Variants in ANKRD29 observed in about 807,000 individuals in gnomAD.
The protein encoded by ANKRD29 is ankyrin repeat domain 29.
Under a neutral mutation model 38.0 loss-of-function variants are expected in ANKRD29, and 32 were observed. That is an observed-to-expected ratio of 0.84 (90% CI 0.64 to 1.13). The LOEUF (loss-of-function observed/expected upper bound fraction) is 1.13, where lower values mean the gene tolerates loss of function less well. ANKRD29 is among the 50% of genes most tolerant of loss of function. The pLI, the probability that ANKRD29 is intolerant of heterozygous loss-of-function variation, is 0.00. For synonymous variants in ANKRD29, 135 were observed against 152.4 expected, an observed-to-expected ratio of 0.89 and a Z score of 0.84; for missense variants, 357 against 377.9, an observed-to-expected ratio of 0.94 and a Z score of 0.46.
At position 23,634,077 on chromosome 18, in the gene ANKRD29, C is replaced by T. The variant is rs1340333557; in HGVS notation, c.403G>A (p.Gly135Arg). ...TAAAGTTGGTCATGGATGTTTGCTCCGTGCTTCAGCAAGGTCTCCACCACC... is the reference window on the plus strand; with the variant it reads ...TAAAGTTGGTCATGGATGTTTGCTCTGTGCTTCAGCAAGGTCTCCACCACC... The part of the protein sequence containing the change: ...MQVVETLLKH[G>R]ANIHDQLYDG... Residue 135 changes from glycine to arginine, a missense_variant, in exon 5 of 10, where the codon GGA becomes AGA. Physicochemically the swap from Gly to Arg is moderately radical, Grantham distance 125. Coordinates refer to ENST00000592179, the MANE Select transcript of ANKRD29 (RefSeq NM_173505.4). The T allele has an allele frequency of 2.5e-6, 4 of 1,614,126 alleles. No individual in the cohort carries two copies. The highest frequency in any genetic ancestry group is 3.4e-6 in the Non-Finnish European group (4 of 1,180,030).
intron 3 of ANKRD29, among the ~76,000 whole-genome samples, chr18:23,643,286 G>C (rs952049693): frequency 2.0e-5 from 3 of 152,180 alleles, no homozygotes; most frequent in African/African-American, 7.2e-5. Flanking sequence ...GGTTCCCACA[G>C]AAATAAGTGG....
At chr18:23,627,897 C>T (rs572891720) in intron 6 of ANKRD29, among the ~76,000 whole-genome samples, 5 of 152,206 alleles carry the variant, frequency 3.3e-5, no homozygotes, top group Non-Finnish European at 5.9e-5. Flanking sequence ...CTCCAGTCCT[C>T]GAAAGTCAAC....
intron 7 of ANKRD29, chr18:23,619,325 A>C (rs141316464): frequency 5.4e-6 from 3 of 560,708 alleles, no homozygotes; most frequent in Non-Finnish European, 9.2e-6. Flanking sequence ...CTAAGATTCC[A>C]CCCTCTCTAG....
chr18:23,661,708 T>C (rs928063763), intron 1 of ANKRD29, among the ~76,000 whole-genome samples: 2 of 152,090 alleles, frequency 1.3e-5, no homozygotes, highest in Non-Finnish European at 2.9e-5. Context: ...AAACTCCGTC[T>C]CAGGAAAAAA....
At chr18:23,638,541 C>T (rs1025468241) in intron 4 of ANKRD29, among the ~76,000 whole-genome samples, 2 of 152,140 alleles carry the variant, frequency 1.3e-5, no homozygotes, top group Non-Finnish European at 2.9e-5. Context: ...AAAGCCACTG[C>T]TACTGTATCC....
chr18:23,613,458 C>G (rs1461756758), intron 8 of ANKRD29, among the ~76,000 whole-genome samples: 2 of 152,026 alleles, frequency 1.3e-5, no homozygotes, highest in Non-Finnish European at 2.9e-5. Context: ...AGGTGTGAGC[C>G]ACCATGCCTG....
At chr18:23,634,218 CA>C (rs2059971938) in intron 4 of ANKRD29, 69 bp from the exon 5 acceptor site, 1 of 1,152,958 alleles carries the variant, frequency 8.7e-7, no homozygotes, top group Non-Finnish European at 1.3e-6. Flanking sequence ...AGATGTTCCT[CA>C]CATACATAGA....
chr18:23,652,662 G>A (rs561525726), intron 1 of ANKRD29, among the ~76,000 whole-genome samples: 30 of 152,170 alleles, frequency 2.0e-4, no homozygotes, highest in Admixed American at 3.3e-4. Flanking sequence ...GACAGTGCAC[G>A]TGAAAATACA....
At chr18:23,604,686 A>T (rs1470798822) in intron 9 of ANKRD29, among the ~76,000 whole-genome samples, 1 of 151,992 alleles carries the variant, frequency 6.6e-6, no homozygotes, top group Non-Finnish European at 1.5e-5. Flanking sequence ...ACGTGCCACC[A>T]CACCTGGCTA....
intron 6 of ANKRD29, among the ~76,000 whole-genome samples, chr18:23,626,459 C>G (rs993644871): frequency 2.0e-5 from 3 of 152,098 alleles, no homozygotes; most frequent in African/African-American, 4.8e-5. Flanking sequence ...ATAGAAATAG[C>G]CACTCAGCTA....
intron 6 of ANKRD29, among the ~76,000 whole-genome samples, chr18:23,626,322 G>A (rs759626714): frequency 2.6e-5 from 4 of 152,218 alleles, no homozygotes; most frequent in Non-Finnish European, 4.4e-5. Flanking sequence ...ATAGAGATGA[G>A]TTAACTGACT....
intron 1 of ANKRD29, 25 bp downstream of exon 1, chr18:23,662,685 T>G: frequency 2.3e-6 from 3 of 1,299,874 alleles, no homozygotes; most frequent in Non-Finnish European, 2.9e-6. Flanking sequence ...GCCCCAGCCC[T>G]GACCCCGGAG....
chr18:23,612,625 G>C (rs1478803068), intron 8 of ANKRD29, among the ~76,000 whole-genome samples: 1 of 152,210 alleles, frequency 6.6e-6, no homozygotes, highest in South Asian at 2.1e-4. Context: ...GGGCTGACCT[G>C]TCAGACCAGC....
rs529337521 is a variant in ANKRD29, at chr18:23,610,203, C to T, written c.822+1889G>A. On this transcript the variant is annotated intron_variant, in intron 9 of 9. Coordinates refer to ENST00000592179, the MANE Select transcript of ANKRD29 (RefSeq NM_173505.4). ...CAAAAGTTTGTAGTTTATGGCTGGG[C>T]GCAGTGGCTCACGCCTGTAATCCCA... is the stretch of plus-strand genomic sequence containing the variant. 1.7e-3 allele frequency among the ~76,000 whole-genome samples: 264 copies of T among 152,256 alleles called. 3 individuals carry two copies. Among genetic ancestry groups the T allele is most frequent in the Non-Finnish European group, 2.3e-3 (157 of 68,028 alleles).
At chr18:23,637,954 G>A (rs1394992770) in intron 4 of ANKRD29, among the ~76,000 whole-genome samples, 2 of 147,772 alleles carry the variant, frequency 1.4e-5, no homozygotes, top group Non-Finnish European at 3.0e-5. Flanking sequence ...TACATTCTCA[G>A]CTTTCTTATC....
intron 9 of ANKRD29, among the ~76,000 whole-genome samples, chr18:23,611,490 C>A (rs4800497): frequency 0.054 from 8,244 of 152,094 alleles, 539 homozygotes; most frequent in Admixed American, 0.19. Context: ...TCAAGACCAG[C>A]CTGGCTAACA....
At chr18:23,616,077 C>T (rs1039659701) in intron 8 of ANKRD29, among the ~76,000 whole-genome samples, 1 of 148,624 alleles carries the variant, frequency 6.7e-6, no homozygotes. Flanking sequence ...TGTATGTATG[C>T]ATACTCTACA....
intron 6 of ANKRD29, among the ~76,000 whole-genome samples, chr18:23,622,288 G>A (rs565013469): frequency 6.6e-6 from 1 of 152,270 alleles, no homozygotes; most frequent in African/African-American, 2.4e-5. Flanking sequence ...TCTAGCTGCT[G>A]TAGCCAGAGG....
chr18:23,632,585 A>C (rs2059948651), intron 5 of ANKRD29, among the ~76,000 whole-genome samples: 1 of 149,298 alleles, frequency 6.7e-6, no homozygotes, highest in Non-Finnish European at 1.5e-5. Context: ...ATATATAGCC[A>C]AAGACATATC....
Sources: gnomAD v4.1 joint callset for allele counts (sites outside exome capture counted in the v4.1 genomes callset) on GRCh38, gnomAD v4.1.1 for gene constraint, MANE v1.5 for transcripts, NCBI Gene and HGNC (gene_info 2026-07-23, HGNC 2026-07-21) for gene names.